Variants in DLGAP1 observed in about 807,000 individuals in gnomAD.
DLGAP1 encodes disks large-associated protein 1.
In DLGAP1, 11 loss-of-function variants were observed where a neutral mutation model predicts 90.8. That is an observed-to-expected ratio of 0.12 (90% CI 0.08 to 0.20). DLGAP1 has a LOEUF of 0.20. Among genes scored for constraint, DLGAP1 ranks in the 10% least tolerant of loss-of-function variants. DLGAP1 has a pLI of 1.00. For synonymous variants in DLGAP1, 558 were observed against 540.7 expected, an observed-to-expected ratio of 1.03 and a Z score of -0.44; for missense variants, 1,050 against 1,333.8, an observed-to-expected ratio of 0.79 and a Z score of 3.31.
At chr18:4,429,768 G>GAA (rs200135655) in intron 1 of DLGAP1, among the ~76,000 whole-genome samples, 1 of 149,536 alleles carries the variant, frequency 6.7e-6, no homozygotes, top group African/African-American at 2.5e-5. Flanking sequence ...GTTGATAATA[G>GAA]AAAAAAAAAG....
At chr18:3,904,973 C>T (rs998110760) in intron 3 of DLGAP1, among the ~76,000 whole-genome samples, 2 of 151,462 alleles carry the variant, frequency 1.3e-5, no homozygotes, top group African/African-American at 4.8e-5. Flanking sequence ...AACCTTGGCC[C>T]TATTATTCAT....
intron 9 of DLGAP1, among the ~76,000 whole-genome samples, chr18:3,544,847 C>T (rs1433361311): frequency 6.6e-6 from 1 of 152,020 alleles, no homozygotes; most frequent in East Asian, 1.9e-4. Flanking sequence ...TCAAGGGATC[C>T]TCCTACCTCA....
chr18:3,964,485 A>G (rs1481883980), intron 3 of DLGAP1, among the ~76,000 whole-genome samples: 2 of 152,168 alleles, frequency 1.3e-5, no homozygotes, highest in Non-Finnish European at 1.5e-5. Context: ...CACATGTTCA[A>G]TAAATAGATG....
At chr18:4,227,876 A>G (rs966282407) in intron 1 of DLGAP1, among the ~76,000 whole-genome samples, 2 of 151,840 alleles carry the variant, frequency 1.3e-5, no homozygotes, top group African/African-American at 2.4e-5. Flanking sequence ...ATGAAAATGA[A>G]ATGAAGAAAA....
intron 1 of DLGAP1, among the ~76,000 whole-genome samples, chr18:4,240,126 T>C (rs1046596788): frequency 2.6e-5 from 4 of 152,332 alleles, no homozygotes; most frequent in Non-Finnish European, 5.9e-5. Flanking sequence ...GGTTTTCAGA[T>C]TCAAATAGTT....
chr18:3,502,224 G>T, intron 12 of DLGAP1: 8 of 1,327,078 alleles, frequency 6.0e-6, no homozygotes, highest in Non-Finnish European at 7.7e-6. Flanking sequence ...TGACTAAAAT[G>T]GTTTAACTTA....
At chr18:4,362,614 G>A (rs2081653927) in intron 1 of DLGAP1, among the ~76,000 whole-genome samples, 2 of 152,272 alleles carry the variant, frequency 1.3e-5, no homozygotes, top group East Asian at 1.9e-4. Flanking sequence ...TGGGTACAGA[G>A]TTTCAGTTTT....
At chr18:3,538,994 T>G (rs576169027) in intron 9 of DLGAP1, among the ~76,000 whole-genome samples, 1 of 152,352 alleles carries the variant, frequency 6.6e-6, no homozygotes, top group South Asian at 2.1e-4. Flanking sequence ...AAAAGTTAAG[T>G]AAAATTAAAA....
intron 7 of DLGAP1, among the ~76,000 whole-genome samples, chr18:3,624,878 A>G (rs1372012647): frequency 6.6e-6 from 1 of 152,032 alleles, no homozygotes; most frequent in Non-Finnish European, 1.5e-5. Flanking sequence ...ACTAAGACCC[A>G]CCCAGGTAGT....
chr18:4,382,470 A>C (rs2082145706), intron 1 of DLGAP1, among the ~76,000 whole-genome samples: 1 of 143,598 alleles, frequency 7.0e-6, no homozygotes, highest in African/African-American at 2.5e-5. Context: ...ACTGGGGCCA[A>C]TAAAAACAGC....
intron 3 of DLGAP1, among the ~76,000 whole-genome samples, chr18:3,965,310 G>A (rs927989087): frequency 3.3e-5 from 5 of 152,128 alleles, no homozygotes; most frequent in Admixed American, 2.0e-4. Flanking sequence ...CTAATGTTTT[G>A]CAAAAAATAA....
intron 1 of DLGAP1, among the ~76,000 whole-genome samples, chr18:4,449,143 T>C (rs1338181722): frequency 6.6e-6 from 1 of 151,818 alleles, no homozygotes; most frequent in Admixed American, 6.6e-5. Context: ...ATGTAAGAGG[T>C]GAGGGGTAGG....
intron 1 of DLGAP1, among the ~76,000 whole-genome samples, chr18:4,288,987 G>A (rs978595636): frequency 2.0e-5 from 3 of 152,062 alleles, no homozygotes; most frequent in Non-Finnish European, 2.9e-5. Context: ...ATTGTAAAAC[G>A]TCTCCTGTCT....
chr18:3,745,608 T>C (rs2063234839), intron 5 of DLGAP1, among the ~76,000 whole-genome samples: 1 of 152,240 alleles, frequency 6.6e-6, no homozygotes, highest in Non-Finnish European at 1.5e-5. Context: ...CTAAAGGTTC[T>C]AAGAACAGCC....
At chr18:3,749,885 A>G (rs1397789951) in intron 5 of DLGAP1, among the ~76,000 whole-genome samples, 3 of 152,170 alleles carry the variant, frequency 2.0e-5, no homozygotes, top group African/African-American at 7.2e-5. Context: ...CTTTTTCTTA[A>G]CTGTCCAAAT....
chr18:3,828,455 C>G (rs2067843598), intron 4 of DLGAP1, among the ~76,000 whole-genome samples: 1 of 151,884 alleles, frequency 6.6e-6, no homozygotes, highest in Non-Finnish European at 1.5e-5. Context: ...GCCTGGGCAA[C>G]AGAGCAAGAC....
chr18:4,446,962 A>T (rs1180526949), intron 1 of DLGAP1, among the ~76,000 whole-genome samples: 1 of 152,230 alleles, frequency 6.6e-6, no homozygotes, highest in Non-Finnish European at 1.5e-5. Flanking sequence ...GGAAGAACAA[A>T]TTAAAACTAC....
chr18:4,185,221 T>A (rs770750280), intron 1 of DLGAP1, among the ~76,000 whole-genome samples: 3 of 152,040 alleles, frequency 2.0e-5, no homozygotes, highest in Admixed American at 1.3e-4. Flanking sequence ...AGAATAAAAT[T>A]TGGTTTCTAT....
intron 4 of DLGAP1, among the ~76,000 whole-genome samples, chr18:3,836,651 C>G (rs1054001284): frequency 6.6e-6 from 1 of 152,142 alleles, no homozygotes; most frequent in Non-Finnish European, 1.5e-5. Flanking sequence ...CTGAGGTAGC[C>G]GCTGACCTAA....
Sources: allele counts gnomAD v4.1 joint callset (sites outside exome capture counted in the v4.1 genomes callset), GRCh38; gene constraint gnomAD v4.1.1; transcripts MANE v1.5; gene names NCBI Gene and HGNC (gene_info 2026-07-23, HGNC 2026-07-21).